The following REV3L variants were observed in gnomAD, a reference collection of about 807,000 sequenced individuals.
REV3L encodes the protein DNA polymerase zeta catalytic subunit.
REV3L carries 69 observed loss-of-function variants against 299.4 expected under a neutral mutation model. The ratio of observed to expected loss-of-function variants is 0.23; its 90% confidence interval spans 0.19 to 0.28. REV3L has a LOEUF of 0.28. REV3L is among the 10% of genes least tolerant of loss of function. The pLI, the probability that REV3L is intolerant of heterozygous loss-of-function variation, is 1.00. For synonymous variants in REV3L, 1,238 were observed against 1,271.4 expected (o/e 0.97, Z 0.56); for missense variants, 3,128 against 3,693.8 (o/e 0.85, Z 3.97).
chr6:111,351,311 CATA>C (rs1184340501), intron 19 of REV3L, among the ~76,000 whole-genome samples: 1 of 151,442 alleles, frequency 6.6e-6, no homozygotes, highest in Non-Finnish European at 1.5e-5. Flanking sequence ...TATGTAGCTT[CATA>C]ATAATTATGA....
intron 26 of REV3L, among the ~76,000 whole-genome samples, chr6:111,318,979 G>A (rs1350827042): frequency 1.3e-5 from 2 of 152,104 alleles, no homozygotes; most frequent in African/African-American, 4.8e-5. Context: ...TGAGGGCGAG[G>A]GATTCACTGT....
rs187991294 is a variant in REV3L at position 111,349,660 on chromosome 6, G to C, written c.7301-324C>G. Among the ~76,000 whole-genome samples, 292 of 152,202 alleles carry C rather than the reference G, an allele frequency of 1.9e-3. 1 individual carries two copies. Among genetic ancestry groups the C allele is most frequent in the African/African-American group, 6.9e-3 (288 of 41,530 alleles). ...TAGCACACTACAGCCTCAAACTCCT[G>C]GTCACAAGCAATCCGCCTGCCTCAG... On this transcript the variant is annotated intron_variant, in intron 19 of 31. Transcript: ENST00000368802.
intron 13 of REV3L, 131 bp downstream of exon 13, chr6:111,372,459 TTACAAA>T (rs936899595): frequency 4.7e-5 from 27 of 580,054 alleles, no homozygotes; most frequent in Non-Finnish European, 6.6e-5. Flanking sequence ...AATGATATAC[TTACAAA>T]TACGGTATCA....
At chr6:111,331,578 T>C in intron 24 of REV3L, 98 bp downstream of exon 24, 1 of 719,246 alleles carries the variant, frequency 1.4e-6, no homozygotes, top group Non-Finnish European at 2.2e-6. Flanking sequence ...AAACTCGGTG[T>C]TTTTGTTTTC....
intron 25 of REV3L, among the ~76,000 whole-genome samples, chr6:111,322,920 A>G (rs969181161): frequency 6.6e-6 from 1 of 152,188 alleles, no homozygotes; most frequent in East Asian, 1.9e-4. Context: ...GTATAACAGT[A>G]AGTGGACTGC....
chr6:111,471,246 C>T (rs1388368957), intron 1 of REV3L, among the ~76,000 whole-genome samples: 1 of 151,884 alleles, frequency 6.6e-6, no homozygotes, highest in Non-Finnish European at 1.5e-5. Flanking sequence ...CATGTTCTAT[C>T]ACCTTTTTTT....
chr6:111,465,629 A>C (rs1791361961), intron 1 of REV3L, among the ~76,000 whole-genome samples: 1 of 150,222 alleles, frequency 6.7e-6, no homozygotes, highest in Admixed American at 6.7e-5. Context: ...GTTACTCGGG[A>C]GGCTAAGGCA....
chr6:111,408,519 G>C (rs1018091761), intron 3 of REV3L, among the ~76,000 whole-genome samples: 3 of 152,108 alleles, frequency 2.0e-5, no homozygotes, highest in Non-Finnish European at 2.9e-5. Flanking sequence ...CAGGAGAATT[G>C]CTTGAACCTG....
At chr6:111,483,453 T>C (rs1417569303), upstream of REV3L, 1 of 427,500 alleles carries the variant, frequency 2.3e-6, no homozygotes, top group Non-Finnish European at 4.3e-6. Flanking sequence ...GCGGGCACGG[T>C]CACCTGGGTG....
rs114805254 is a variant in REV3L at position 111,437,437 on chromosome 6, T to C, written c.140-20965A>G. The stretch of plus-strand genomic sequence containing the variant: ...AGGAATGAAGTGCTGATAAATGCTA[T>C]ACTATATATAAAATTAAAATATTTC... On this transcript the variant is annotated intron_variant, in intron 1 of 31. Coordinates refer to ENST00000368802, the MANE Select transcript of REV3L (RefSeq NM_001372078.1). Among the ~76,000 whole-genome samples, 788 of 152,028 alleles carry C rather than the reference T, an allele frequency of 5.2e-3. 6 individuals carry two copies. The highest frequency in any genetic ancestry group is 0.019 in the African/African-American group (770 of 41,524).
At chr6:111,369,839 A>G (rs1385592369) in intron 13 of REV3L, among the ~76,000 whole-genome samples, 2 of 151,460 alleles carry the variant, frequency 1.3e-5, no homozygotes, top group Non-Finnish European at 2.9e-5. Context: ...TTGAATATAC[A>G]GTTTCATTTT....
At chr6:111,396,524 T>C (rs534690078) in intron 4 of REV3L, among the ~76,000 whole-genome samples, 2 of 152,224 alleles carry the variant, frequency 1.3e-5, no homozygotes, top group Non-Finnish European at 2.9e-5. Flanking sequence ...TAGGAAGAAT[T>C]TCCCCCTCTT....
At chr6:111,361,850 G>A (rs1407232898) in intron 16 of REV3L, among the ~76,000 whole-genome samples, 2 of 152,134 alleles carry the variant, frequency 1.3e-5, no homozygotes, top group South Asian at 2.1e-4. Flanking sequence ...TTCAACCACC[G>A]GGCGGCAGTT....
At chr6:111,307,623 G>A in intron 30 of REV3L, 53 bp from the exon 31 acceptor site, 1 of 1,543,760 alleles carries the variant, frequency 6.5e-7, no homozygotes, top group Non-Finnish European at 8.9e-7. Flanking sequence ...CAGCAAAGCT[G>A]CTATTTTCAT....
At position 111,374,600 on chromosome 6, in the gene REV3L, G is replaced by C. The variant is rs374954440; in HGVS notation, c.3755C>G (p.Ala1252Gly). The change falls in exon 13 of 32, where the codon GCA becomes GGA. Residue 1252 changes from alanine (A) to glycine (G), a missense_variant. Around this residue, in one of 9 missense-constraint regions of REV3L, gnomAD observed 2,409 missense variants for 2,611.8 expected, o/e 0.92. Transcript: ENST00000368802. ...VLKHQNVSEF[A>G]SSSGGSQLLF... is the part of the protein sequence containing the mutation. ...TAGTTGAGAGCCTCCAGAACTACTT[G>C]CAAATTCAGACACATTCTGGTGTTT... 1 of 1,613,658 alleles carries C rather than the reference G, an allele frequency of 6.2e-7. No individual in the cohort carries two copies. The highest frequency in any genetic ancestry group is 1.7e-5 in the Admixed American group (1 of 59,986).
At chr6:111,398,729 CTGAGA>C (rs1782782565) in intron 4 of REV3L, among the ~76,000 whole-genome samples, 1 of 151,792 alleles carries the variant, frequency 6.6e-6, no homozygotes, top group African/African-American at 2.4e-5. Flanking sequence ...TGTAATGTGC[CTGAGA>C]TAACATGATA....
At chr6:111,471,807 C>CT (rs1244137004) in intron 1 of REV3L, among the ~76,000 whole-genome samples, 1 of 152,022 alleles carries the variant, frequency 6.6e-6, no homozygotes, top group African/African-American at 2.4e-5. Flanking sequence ...GTAACAGATC[C>CT]TTTTTTAACA....
intron 1 of REV3L, chr6:111,430,880 C>T (rs1786830404): frequency 1.2e-6 from 2 of 1,604,382 alleles, no homozygotes; most frequent in Non-Finnish European, 1.7e-6. Context: ...AATGTTGGGA[C>T]TTCTCCATCC....
intron 18 of REV3L, 57 bp from the exon 19 acceptor site, chr6:111,351,848 G>A (rs533461857): frequency 1.2e-5 from 14 of 1,157,022 alleles, no homozygotes; most frequent in South Asian, 5.4e-5. Context: ...CCTTTAACCA[G>A]AATAATTGTT....
Sources: allele counts gnomAD v4.1 joint callset (sites outside exome capture counted in the v4.1 genomes callset), GRCh38; gene constraint gnomAD v4.1.1; regional missense constraint gnomAD v4.1.1; transcripts MANE v1.5; gene names NCBI Gene and HGNC (gene_info 2026-07-23, HGNC 2026-07-21).